Variants in SH3GL2 observed in about 807,000 individuals in gnomAD.
SH3GL2 encodes SH3 domain containing GRB2 like 2, endophilin A1, also known as endophilin-A1.
A neutral mutation model predicts 46.0 loss-of-function variants in SH3GL2; 24 were observed. The ratio of observed to expected loss-of-function variants is 0.52; its 90% CI spans 0.38 to 0.73. The LOEUF (loss-of-function observed/expected upper bound fraction) is 0.73. Among genes scored for constraint, SH3GL2 ranks in the 30% least tolerant of loss-of-function variants. The pLI, the probability that SH3GL2 is intolerant of heterozygous loss-of-function variation, is 0.00. For synonymous variants in SH3GL2, 196 were observed against 147.1 expected (o/e 1.33, Z -2.40); for missense variants, 413 against 424.2 (o/e 0.97, Z 0.23).
At chr9:17,638,530 A>G (rs535215597) in intron 1 of SH3GL2, among the ~76,000 whole-genome samples, 1 of 152,198 alleles carries the variant, frequency 6.6e-6, no homozygotes, top group African/African-American at 2.4e-5. Context: ...GTGATAGAAA[A>G]TTATTTTGGA....
At chr9:17,736,446 A>T (rs774571005) in intron 1 of SH3GL2, among the ~76,000 whole-genome samples, 17 of 152,062 alleles carry the variant, frequency 1.1e-4, no homozygotes, top group Admixed American at 2.6e-4. Flanking sequence ...CTGGTTGTCC[A>T]TCCACTTTCA....
intron 1 of SH3GL2, among the ~76,000 whole-genome samples, chr9:17,603,335 C>T (rs1392432673): frequency 6.6e-6 from 1 of 152,136 alleles, no homozygotes; most frequent in Non-Finnish European, 1.5e-5. Context: ...CCACATGCTA[C>T]ACCATGGATG....
chr9:17,773,811 T>C (rs1173524629), intron 3 of SH3GL2, among the ~76,000 whole-genome samples: 4 of 152,098 alleles, frequency 2.6e-5, no homozygotes, highest in Non-Finnish European at 5.9e-5. Context: ...AATTTTAGGG[T>C]GGGATTTCCA....
intron 1 of SH3GL2, chr9:17,653,846 A>G (rs1286916254): frequency 1.0e-6 from 1 of 980,096 alleles, no homozygotes; most frequent in East Asian, 1.1e-4. Context: ...CTTGGTGAAC[A>G]TTCATGGAGA....
intron 1 of SH3GL2, among the ~76,000 whole-genome samples, chr9:17,617,373 A>T (rs192402274): frequency 1.3e-5 from 2 of 152,346 alleles, no homozygotes; most frequent in Admixed American, 1.3e-4. Flanking sequence ...ATTGTTTCCC[A>T]GTGCTCCTTG....
chr9:17,761,480 A>G lies in SH3GL2; in HGVS notation c.158A>G (p.Lys53Arg), dbSNP rs1823172489. The G allele has an allele frequency of 3.1e-6, 5 of 1,606,326 alleles. No homozygotes were observed. The Admixed American group carries it at 5.0e-5, about 16-fold the overall frequency. Residue 53 changes from lysine to arginine, a missense_variant, in exon 3 of 9, where the codon AAA becomes AGA. This residue lies in a region of SH3GL2 where 160 missense variants were observed against 192.3 expected (regional missense o/e 0.83). Transcript: ENST00000380607. Reference sequence around the variant, plus strand: ...AGGGCTGTGATGGAAATAATGACTAAAACAATTGAATACCTTCAACCCAAT... The same window carrying G: ...AGGGCTGTGATGGAAATAATGACTAGAACAATTGAATACCTTCAACCCAAT... ...TSRAVMEIMT[K>R]TIEYLQPNPA... is the part of the protein sequence containing the mutation.
At chr9:17,641,661 A>G (rs1819686295) in intron 1 of SH3GL2, among the ~76,000 whole-genome samples, 2 of 151,984 alleles carry the variant, frequency 1.3e-5, no homozygotes, top group African/African-American at 4.8e-5. Context: ...TCATTGTTCA[A>G]CACCCATTTA....
chr9:17,636,867 T>A (rs1216556444), intron 1 of SH3GL2, among the ~76,000 whole-genome samples: 1 of 152,214 alleles, frequency 6.6e-6, no homozygotes, highest in East Asian at 1.9e-4. Flanking sequence ...CCTGGGTGGT[T>A]TTCTTTATTG....
Position 17,665,953 on chromosome 9 carries a change from C to T in SH3GL2, c.46-81113C>T, listed in dbSNP as rs1460628876. 6.0e-5 allele frequency among the ~76,000 whole-genome samples: 9 copies of T among 150,312 alleles called. No homozygotes were observed. In the East Asian group the frequency reaches 1.4e-3, roughly 23 times the overall value. On this transcript the variant is annotated intron_variant, in intron 1 of 8. Transcript: ENST00000380607. ...GATATGTTCAATTTCAGTCTAGTAC[C>T]ACAGGGTTCATTGCAGTAGTCCTCC...
At chr9:17,690,202 C>A (rs970054304) in intron 1 of SH3GL2, among the ~76,000 whole-genome samples, 1 of 152,084 alleles carries the variant, frequency 6.6e-6, no homozygotes, top group Non-Finnish European at 1.5e-5. Flanking sequence ...AGGTGCCTGG[C>A]AAAAAGAAGT....
At chr9:17,769,747 T>G (rs1261865035) in intron 3 of SH3GL2, among the ~76,000 whole-genome samples, 1 of 152,216 alleles carries the variant, frequency 6.6e-6, no homozygotes, top group Non-Finnish European at 1.5e-5. Context: ...ATCTTTTTGT[T>G]TATTGTTTTC....
chr9:17,733,695 C>G (rs984820373), intron 1 of SH3GL2, among the ~76,000 whole-genome samples: 2 of 151,976 alleles, frequency 1.3e-5, no homozygotes, highest in Non-Finnish European at 2.9e-5. Context: ...GCACTATTCA[C>G]AATAGCAAAG....
At chr9:17,792,250 G>A (rs1824152284) in intron 7 of SH3GL2, among the ~76,000 whole-genome samples, 1 of 152,090 alleles carries the variant, frequency 6.6e-6, no homozygotes, top group South Asian at 2.1e-4. Context: ...TTTTCCTTCG[G>A]CGCAGCCTTA....
chr9:17,637,553 T>G (rs758873924), intron 1 of SH3GL2, among the ~76,000 whole-genome samples: 2 of 152,194 alleles, frequency 1.3e-5, no homozygotes, highest in African/African-American at 2.4e-5. Flanking sequence ...ACCCTGGCCT[T>G]CCTCAGGACA....
chr9:17,763,174 A>G (rs1823227736), intron 3 of SH3GL2, among the ~76,000 whole-genome samples: 1 of 152,232 alleles, frequency 6.6e-6, no homozygotes, highest in African/African-American at 2.4e-5. Flanking sequence ...GTATGAAAAT[A>G]GACTAAAAAT....
At chr9:17,794,836 A>G (rs1588344419) in intron 8 of SH3GL2, among the ~76,000 whole-genome samples, 1 of 152,228 alleles carries the variant, frequency 6.6e-6, no homozygotes, top group Admixed American at 6.5e-5. Flanking sequence ...TTACCTTACC[A>G]AGTATAAATT....
rs1821486742 is a variant in SH3GL2, at chr9:17,706,897, A to G, written c.46-40169A>G. Among the ~76,000 whole-genome samples, 3 of 152,074 alleles carry G rather than the reference A, an allele frequency of 2.0e-5. No individual in the cohort carries two copies. In the South Asian group the frequency reaches 6.2e-4, roughly 31 times the overall value. On this transcript the variant is annotated intron_variant, in intron 1 of 8. Coordinates refer to ENST00000380607, the MANE Select transcript of SH3GL2 (RefSeq NM_003026.5). ...TGCTGTAGGGTTTTACCTCAACAAA[A>G]TAGTAAGCATTTGAAAGGCAATTCA...
chr9:17,740,542 A>G (rs1181394421), intron 1 of SH3GL2, among the ~76,000 whole-genome samples: 2 of 151,906 alleles, frequency 1.3e-5, no homozygotes, highest in Non-Finnish European at 2.9e-5. Flanking sequence ...ACTTTTGCAC[A>G]GAGTCAGAGG....
intron 1 of SH3GL2, among the ~76,000 whole-genome samples, chr9:17,733,659 A>T (rs1215436264): frequency 6.6e-6 from 1 of 151,876 alleles, no homozygotes; most frequent in Non-Finnish European, 1.5e-5. Flanking sequence ...TGTTATAAAG[A>T]CACATGCACA....
Sources: gnomAD v4.1 joint callset for allele counts (sites outside exome capture counted in the v4.1 genomes callset) on GRCh38, gnomAD v4.1.1 for gene constraint, gnomAD v4.1.1 regional missense constraint, MANE v1.5 for transcripts, NCBI Gene and HGNC (gene_info 2026-07-23, HGNC 2026-07-21) for gene names.